The following THRB variants were observed in gnomAD, a reference collection of about 807,000 sequenced individuals.
THRB encodes thyroid hormone receptor beta, also known as nuclear receptor subfamily 1 group A member 2.
THRB carries 12 observed loss-of-function variants against 47.8 expected under a neutral mutation model. That is an observed-to-expected ratio of 0.25 (90% confidence interval 0.16 to 0.41). The LOEUF is 0.41. Among genes scored for constraint, THRB ranks in the 10% least tolerant of loss-of-function variants. The pLI, the probability that THRB is intolerant of heterozygous loss-of-function variation, is 1.00. For synonymous variants in THRB, 218 were observed against 212.2 expected (o/e 1.03, Z -0.24); for missense variants, 348 against 589.2 (o/e 0.59, Z 4.24).
At chr3:24,492,210 C>A (rs549625326) in intron 1 of THRB, among the ~76,000 whole-genome samples, 2 of 152,288 alleles carry the variant, frequency 1.3e-5, no homozygotes, top group Non-Finnish European at 2.9e-5. Flanking sequence ...AAGTATTGTT[C>A]TAGATGCTGG....
chr3:24,430,054 G>T (rs930296493), intron 1 of THRB: 1 of 152,028 alleles, frequency 6.6e-6, no homozygotes, highest in African/African-American at 2.4e-5. Flanking sequence ...TCCTGGTGAT[G>T]ATGAGGACTA....
chr3:24,457,275 G>A (rs1293812399), intron 1 of THRB, among the ~76,000 whole-genome samples: 1 of 152,104 alleles, frequency 6.6e-6, no homozygotes, highest in Non-Finnish European at 1.5e-5. Context: ...TTCCTGGCCA[G>A]GCTGGCTAAA....
chr3:24,168,670 A>G (rs1208067113), intron 5 of THRB, among the ~76,000 whole-genome samples: 1 of 151,748 alleles, frequency 6.6e-6, no homozygotes, highest in Non-Finnish European at 1.5e-5. Context: ...TTCACCAAGG[A>G]GCAGGAAATC....
At chr3:24,229,894 T>G (rs540786765) in intron 3 of THRB, among the ~76,000 whole-genome samples, 3 of 152,318 alleles carry the variant, frequency 2.0e-5, no homozygotes, top group African/African-American at 7.2e-5. Context: ...TGTAATATAC[T>G]ACTAGCTGTG....
At chr3:24,136,449 G>A (rs2034688521) in intron 8 of THRB, among the ~76,000 whole-genome samples, 1 of 152,100 alleles carries the variant, frequency 6.6e-6, no homozygotes, top group Non-Finnish European at 1.5e-5. Flanking sequence ...GTTGAGCAGT[G>A]AAACCCTGTT....
At chr3:24,380,438 C>T (rs1242151999) in intron 1 of THRB, among the ~76,000 whole-genome samples, 1 of 151,908 alleles carries the variant, frequency 6.6e-6, no homozygotes, top group Non-Finnish European at 1.5e-5. Context: ...CTTAAACATA[C>T]CAGGTATACT....
chr3:24,221,087 G>T (rs1297464938), intron 4 of THRB, among the ~76,000 whole-genome samples: 1 of 152,220 alleles, frequency 6.6e-6, no homozygotes, highest in Non-Finnish European at 1.5e-5. Context: ...AGATTCCAGA[G>T]CGAGAATGTC....
At chr3:24,299,154 A>G (rs2056703480) in intron 2 of THRB, among the ~76,000 whole-genome samples, 1 of 149,804 alleles carries the variant, frequency 6.7e-6, no homozygotes, top group African/African-American at 2.5e-5. Context: ...AGGCTGAGGC[A>G]GGAGAATGGC....
At chr3:24,265,112 A>G (rs2052515203) in intron 3 of THRB, among the ~76,000 whole-genome samples, 1 of 152,196 alleles carries the variant, frequency 6.6e-6, no homozygotes, top group African/African-American at 2.4e-5. Context: ...TGGGGGGAAG[A>G]GTATTACACT....
Position 24,287,162 on chromosome 3 carries a change from T to G in THRB, c.-43+10064A>C, listed in dbSNP as rs138363300. ...ACATAGATATCTTACACACATTTCC[T>G]TTTCATATTCTTTCCTTTGCCACTG... On this transcript the variant is annotated intron_variant, in intron 3 of 10. Transcript: ENST00000646209. 3.0e-3 allele frequency among the ~76,000 whole-genome samples: 460 copies of G among 152,288 alleles called. 3 individuals carry two copies. The highest frequency in any genetic ancestry group is 5.1e-3 in the Non-Finnish European group (348 of 68,018).
chr3:24,461,978 A>G (rs1416923854), intron 1 of THRB, among the ~76,000 whole-genome samples: 1 of 152,210 alleles, frequency 6.6e-6, no homozygotes, highest in Non-Finnish European at 1.5e-5. Context: ...TAGTGAAAAA[A>G]GATGTCCACA....
At chr3:24,387,355 TCA>T (rs1322920254) in intron 1 of THRB, among the ~76,000 whole-genome samples, 1 of 152,166 alleles carries the variant, frequency 6.6e-6, no homozygotes, top group Non-Finnish European at 1.5e-5. Flanking sequence ...ACTAAACCTT[TCA>T]GAGTCTACTC....
intron 3 of THRB, among the ~76,000 whole-genome samples, chr3:24,262,537 T>C (rs1325246271): frequency 6.6e-6 from 1 of 152,212 alleles, no homozygotes; most frequent in Non-Finnish European, 1.5e-5. Flanking sequence ...CCAGTCTTGC[T>C]GAACTCCTTC....
intron 3 of THRB, among the ~76,000 whole-genome samples, chr3:24,240,691 G>A (rs2049397233): frequency 6.6e-6 from 1 of 152,150 alleles, no homozygotes. Flanking sequence ...TCAAACTTTG[G>A]TGAGCATGTG....
At chr3:24,148,098 G>A (rs2036354397) in intron 6 of THRB, among the ~76,000 whole-genome samples, 1 of 152,132 alleles carries the variant, frequency 6.6e-6, no homozygotes, top group African/African-American at 2.4e-5. Flanking sequence ...GGATAACAAG[G>A]CAAAATGAGT....
rs143885519 is a variant in THRB, at chr3:24,241,779, G to C, written c.-42-12778C>G. ...GCAGAATCAGATCACTTGGGAACAAGATGGCAATGCAGATGCACCGCCTCT... is the reference window on the plus strand; with the variant it reads ...GCAGAATCAGATCACTTGGGAACAACATGGCAATGCAGATGCACCGCCTCT... On this transcript the variant is annotated intron_variant, in intron 3 of 10. Coordinates refer to ENST00000646209, the MANE Select transcript of THRB (RefSeq NM_001354712.2). Among the ~76,000 whole-genome samples the C allele has an allele frequency of 3.5e-3, 533 of 152,270 alleles. 1 individual carries two copies. Among genetic ancestry groups the C allele is most frequent in the Non-Finnish European group, 5.9e-3 (401 of 67,990 alleles).
intron 1 of THRB, among the ~76,000 whole-genome samples, chr3:24,457,689 T>C (rs2073318608): frequency 6.6e-6 from 1 of 152,212 alleles, no homozygotes; most frequent in Non-Finnish European, 1.5e-5. Flanking sequence ...TTTTTATTTT[T>C]TCTAAAAATA....
At chr3:24,338,842 G>C (rs1288704180) in intron 1 of THRB, among the ~76,000 whole-genome samples, 1 of 152,146 alleles carries the variant, frequency 6.6e-6, no homozygotes, top group African/African-American at 2.4e-5. Context: ...GTAGACTTTG[G>C]AGTTGTATTT....
At chr3:24,398,912 G>C (rs1306401719) in intron 1 of THRB, among the ~76,000 whole-genome samples, 2 of 152,114 alleles carry the variant, frequency 1.3e-5, no homozygotes, top group African/African-American at 4.8e-5. Context: ...AAAATGATGA[G>C]TTCATGTCCT....
Sources: allele counts gnomAD v4.1 joint callset (sites outside exome capture counted in the v4.1 genomes callset), GRCh38; gene constraint gnomAD v4.1.1; transcripts MANE v1.5; gene names NCBI Gene and HGNC (gene_info 2026-07-23, HGNC 2026-07-21).